The following UFL1 variants were observed in gnomAD, a reference collection of about 807,000 sequenced individuals.
UFL1 encodes the protein UFM1 specific ligase 1, also known as E3 UFM1-protein ligase 1.
A neutral mutation model predicts 99.3 loss-of-function variants in UFL1; 78 were observed. The observed-to-expected ratio is 0.79, with a 90% CI of 0.65 to 0.95. UFL1 has a LOEUF of 0.95. UFL1 is among the 40% of genes least tolerant of loss of function. The pLI, the probability that UFL1 is intolerant of heterozygous loss-of-function variation, is 0.00. For synonymous variants in UFL1, 335 were observed against 322.2 expected, an observed-to-expected ratio of 1.04 and a Z score of -0.42; for missense variants, 936 against 937.0, an observed-to-expected ratio of 1.00 and a Z score of 0.01.
rs537159862 is a variant in UFL1, at chr6:96,521,837, C to T, written c.-37C>T. 3 of 1,596,652 alleles carry T rather than the reference C, an allele frequency of 1.9e-6. No homozygotes were observed. The highest frequency in any genetic ancestry group is 1.1e-5 in the South Asian group (1 of 88,022). On this transcript the variant is annotated 5_prime_UTR_variant, in exon 1 of 19. Coordinates refer to ENST00000369278, the MANE Select transcript of UFL1 (RefSeq NM_015323.5). ...TCCCACCGCCTGTCGGCTGACGTGT[C>T]TGCAGTTCCTCCGCGTCTACTGCGA...
intron 12 of UFL1, among the ~76,000 whole-genome samples, chr6:96,544,850 T>G (rs1404261603): frequency 6.6e-6 from 1 of 151,012 alleles, no homozygotes; most frequent in Non-Finnish European, 1.5e-5. Flanking sequence ...ATATTCCTTT[T>G]GTGAATAGAT....
At chr6:96,527,340 T>G (rs1410296413) in intron 5 of UFL1, among the ~76,000 whole-genome samples, 1 of 152,136 alleles carries the variant, frequency 6.6e-6, no homozygotes, top group East Asian at 1.9e-4. Context: ...TTCATTGAAA[T>G]CTAGTGAAAT....
chr6:96,543,927 T>C, intron 12 of UFL1, among the ~76,000 whole-genome samples: 1 of 151,164 alleles, frequency 6.6e-6, no homozygotes, highest in East Asian at 1.9e-4. Context: ...TTATAAACAT[T>C]AGTTTTATTT....
At chr6:96,535,208 A>G (rs1769836052) in intron 7 of UFL1, among the ~76,000 whole-genome samples, 1 of 151,976 alleles carries the variant, frequency 6.6e-6, no homozygotes, top group Admixed American at 6.6e-5. Flanking sequence ...TTTACTCAGC[A>G]TTGCAATTTT....
intron 3 of UFL1, among the ~76,000 whole-genome samples, 167 bp from the exon 4 acceptor site, chr6:96,525,130 T>G (rs1346431461): frequency 6.6e-6 from 1 of 151,802 alleles, no homozygotes; most frequent in African/African-American, 2.4e-5. Context: ...CTCAAACTCT[T>G]GAACTGAAGG....
intron 5 of UFL1, among the ~76,000 whole-genome samples, chr6:96,527,523 T>C (rs906998742): frequency 6.6e-6 from 1 of 152,176 alleles, no homozygotes; most frequent in African/African-American, 2.4e-5. Context: ...ATTTACTTAC[T>C]CATATTAAGA....
intron 17 of UFL1, 25 bp downstream of exon 17, chr6:96,551,948 G>A (rs752829019): frequency 6.6e-7 from 1 of 1,518,372 alleles, no homozygotes. Flanking sequence ...ATCTATATTT[G>A]GAAATGTTCT....
chr6:96,552,599 G>A lies in UFL1; in HGVS notation c.2103G>A (p.Met701Ile). The part of the protein sequence containing the change: ...VLLFQFSTHS[M>I]LHAPGRCVPQ... ...TGTTTCAGTTTTCAACCCACAGCAT[G>A]CTCCATGCACCTGGAAGATGTGTCC... Residue 701 changes from methionine (M) to isoleucine (I), a missense_variant, in exon 18 of 19, where the codon ATG becomes ATA. By Grantham distance (10) the Met-to-Ile change is conservative. Transcript: ENST00000369278. The A allele has an allele frequency of 6.2e-7, 1 of 1,613,020 alleles. No homozygotes were observed. The highest frequency in any genetic ancestry group is 1.1e-5 in the South Asian group (1 of 90,980).
At chr6:96,527,976 G>A (rs1769726507) in intron 5 of UFL1, among the ~76,000 whole-genome samples, 1 of 152,192 alleles carries the variant, frequency 6.6e-6, no homozygotes, top group Non-Finnish European at 1.5e-5. Flanking sequence ...TTACCAAGAA[G>A]TCAGATTATC....
chr6:96,551,375 T>C, intron 15 of UFL1, 58 bp from the exon 16 acceptor site: 1 of 907,430 alleles, frequency 1.1e-6, no homozygotes, highest in Admixed American at 2.7e-5. Flanking sequence ...TCACTTTATC[T>C]TATATCCATT....
intron 15 of UFL1, 24 bp downstream of exon 15, chr6:96,549,823 CT>C: frequency 6.2e-7 from 1 of 1,607,624 alleles, no homozygotes; most frequent in Non-Finnish European, 8.5e-7. Flanking sequence ...CTCCCTACCA[CT>C]ATTGATGTGT....
intron 18 of UFL1, 60 bp from the exon 19 acceptor site, chr6:96,553,225 C>T: frequency 6.6e-7 from 1 of 1,504,392 alleles, no homozygotes; most frequent in Non-Finnish European, 9.1e-7. Flanking sequence ...AGAAATTCTA[C>T]TTTATCTGTT....
chr6:96,548,174 G>A lies in UFL1; in HGVS notation c.1413G>A (p.Lys471=). 6.3e-7 allele frequency: 1 copy of A among 1,591,416 alleles called. No homozygotes were observed. Reference sequence around the variant, plus strand: ...TCATGTCCGATATAGGAAAGAAGAAGCCAGAGATCAGTTTTATGTTCCAGG... The same window carrying A: ...TCATGTCCGATATAGGAAAGAAGAAACCAGAGATCAGTTTTATGTTCCAGG... ...ESQSSHTGKK[K]PEISFMFQDE... The change falls in exon 13 of 19, where the codon AAG becomes AAA. Residue 471 remains lysine, a synonymous_variant. Transcript: ENST00000369278.
chr6:96,523,942 AAAAT>A (rs1769663863), intron 2 of UFL1, among the ~76,000 whole-genome samples: 3 of 152,124 alleles, frequency 2.0e-5, no homozygotes, highest in African/African-American at 7.2e-5. Context: ...TAGTACCTTT[AAAAT>A]ATGAGCTATA....
chr6:96,547,959 TATAAA>T (rs1582445659), intron 12 of UFL1, among the ~76,000 whole-genome samples, 200 bp from the exon 13 acceptor site: 4 of 151,774 alleles, frequency 2.6e-5, no homozygotes, highest in African/African-American at 9.6e-5. Flanking sequence ...AGCCCCTGAA[TATAAA>T]ATAAAATATT....
intron 12 of UFL1, 53 bp from the exon 13 acceptor site, chr6:96,548,100 TTTGCCATTTGG>T (rs1770025573): frequency 9.5e-7 from 1 of 1,050,210 alleles, no homozygotes; most frequent in African/African-American, 1.6e-5. Context: ...TGGAGCCCTA[TTTGCCATTTGG>T]TTGCATGTTT....
At position 96,552,490 on chromosome 6, in the gene UFL1, T is replaced by G. The variant is rs764058483; in HGVS notation, c.1994T>G (p.Leu665Arg). ...CTTTTTTTTTTTTTTAGACAGATAC[T>G]GTTCCAACATCGACAAGCACTGGCT... ...RGDKKRERQI[L>R]FQHRQALAEQ... The change falls in exon 18 of 19, where the codon CTG becomes CGG. Residue 665 changes from leucine (L) to arginine (R), a missense_variant. Physicochemically the swap from Leu to Arg is moderately radical, Grantham distance 102. Transcript: ENST00000369278. The G allele has an allele frequency of 6.4e-7, 1 of 1,568,264 alleles. No individual in the cohort carries two copies.
chr6:96,536,247 T>C lies in UFL1; in HGVS notation c.659T>C (p.Val220Ala). The C allele has an allele frequency of 6.2e-7, 1 of 1,608,748 alleles. No homozygotes were observed. Among genetic ancestry groups the C allele is most frequent in the African/African-American group, 1.3e-5 (1 of 74,858 alleles). ...YGFQEQLLYSVLEELVNSGRL... is the reference protein window; with the variant it reads ...YGFQEQLLYSALEELVNSGRL... ...ATTCATGTGGGTTTGTTTTAAGCTG[T>C]GCTTGAGGAACTTGTTAATAGCGGA... Residue 220 changes from valine to alanine, a missense_variant, in exon 8 of 19, where the codon GTG (valine) becomes GCG (alanine). Transcript: ENST00000369278.
Position 96,540,491 on chromosome 6 carries a change from A to G in UFL1, c.1159-44A>G, listed in dbSNP as rs371344959. 3.9e-5 allele frequency: 62 copies of G among 1,570,220 alleles called. No homozygotes were observed. In the African/African-American group the frequency reaches 5.0e-4, roughly 13 times the overall value. ...ATAAACAACTTTTATGCTTTTGGAA[A>G]TGCTATGTGTTTTTCCTACCAAAAA... On this transcript the variant is annotated intron_variant, in intron 10 of 18. Coordinates refer to ENST00000369278, the MANE Select transcript of UFL1 (RefSeq NM_015323.5).
Sources: allele counts gnomAD v4.1 joint callset (sites outside exome capture counted in the v4.1 genomes callset), GRCh38; gene constraint gnomAD v4.1.1; transcripts MANE v1.5; gene names NCBI Gene and HGNC (gene_info 2026-07-23, HGNC 2026-07-21).